Variants in ERC2 observed in about 807,000 individuals in gnomAD.
ERC2 encodes ELKS/RAB6-interacting/CAST family member 2.
A neutral mutation model predicts 114.8 loss-of-function variants in ERC2; 42 were observed. That is an observed-to-expected ratio of 0.37 (90% CI 0.29 to 0.47). The LOEUF (loss-of-function observed/expected upper bound fraction) is 0.47. ERC2 is among the 20% of genes least tolerant of loss of function. The pLI is 0.99. For missense variants in ERC2, 939 were observed against 1,150.7 expected (o/e 0.82, Z 2.66); for synonymous variants, 454 against 425.5 (o/e 1.07, Z -0.82).
At chr3:55,709,754 G>A (rs2063676385) in intron 15 of ERC2, among the ~76,000 whole-genome samples, 1 of 152,198 alleles carries the variant, frequency 6.6e-6, no homozygotes, top group African/African-American at 2.4e-5. Flanking sequence ...GAAGGGATGG[G>A]GTGAGCCATG....
At chr3:56,391,493 G>T (rs1415837515) in intron 2 of ERC2, among the ~76,000 whole-genome samples, 4 of 152,194 alleles carry the variant, frequency 2.6e-5, no homozygotes, top group Admixed American at 1.3e-4. Flanking sequence ...AAAGAGAAAT[G>T]GTTAAGGGGT....
At chr3:56,179,138 C>T (rs1240901058) in intron 3 of ERC2, among the ~76,000 whole-genome samples, 4 of 151,994 alleles carry the variant, frequency 2.6e-5, no homozygotes, top group South Asian at 2.1e-4. Context: ...CATTCAAAGC[C>T]GTCGTGGTGG....
At chr3:56,129,188 T>G (rs564999500) in intron 6 of ERC2, among the ~76,000 whole-genome samples, 1 of 152,296 alleles carries the variant, frequency 6.6e-6, no homozygotes, top group South Asian at 2.1e-4. Context: ...TTAAGAAAGA[T>G]AAAAGTTCGT....
chr3:56,179,999 G>A (rs1466273074), intron 3 of ERC2, among the ~76,000 whole-genome samples: 1 of 152,074 alleles, frequency 6.6e-6, no homozygotes, highest in African/African-American at 2.4e-5. Flanking sequence ...CCAAGAGTGA[G>A]GGGTCAGGAA....
intron 2 of ERC2, among the ~76,000 whole-genome samples, chr3:56,423,293 A>G (rs2061450631): frequency 1.3e-5 from 2 of 152,264 alleles, no homozygotes; most frequent in Admixed American, 1.3e-4. Context: ...AAATGAAGTT[A>G]TAGTAATCAT....
intron 17 of ERC2, among the ~76,000 whole-genome samples, chr3:55,513,409 CGT>C (rs1227290879): frequency 2.0e-5 from 3 of 152,254 alleles, no homozygotes; most frequent in East Asian, 1.9e-4. Flanking sequence ...CTCTCACAAG[CGT>C]GTCTCTCTAT....
At chr3:56,164,174 G>T (rs1301218826) in intron 4 of ERC2, among the ~76,000 whole-genome samples, 5 of 151,930 alleles carry the variant, frequency 3.3e-5, no homozygotes, top group Non-Finnish European at 7.4e-5. Context: ...TAATTTAGAG[G>T]TTTCTGCAAC....
chr3:56,103,304 C>T (rs2078460406), intron 6 of ERC2, among the ~76,000 whole-genome samples: 1 of 152,094 alleles, frequency 6.6e-6, no homozygotes, highest in South Asian at 2.1e-4. Flanking sequence ...TACAGATGAA[C>T]TGGGCCATGT....
chr3:55,668,085 C>G (rs2061423414), intron 17 of ERC2, among the ~76,000 whole-genome samples: 1 of 152,084 alleles, frequency 6.6e-6, no homozygotes. Context: ...ATATCTCTCT[C>G]ACTATATACA....
At chr3:55,727,300 C>T (rs1459023581) in intron 15 of ERC2, among the ~76,000 whole-genome samples, 1 of 152,162 alleles carries the variant, frequency 6.6e-6, no homozygotes, top group African/African-American at 2.4e-5. Context: ...TTGAGGCCCT[C>T]TCTCAAAACT....
chr3:55,537,324 T>C (rs558099362), intron 17 of ERC2, among the ~76,000 whole-genome samples: 9 of 152,336 alleles, frequency 5.9e-5, no homozygotes, highest in Non-Finnish European at 1.3e-4. Flanking sequence ...AAGACGATGG[T>C]TTCCCCCCCT....
chr3:56,229,230 C>A (rs2050449663), intron 3 of ERC2, among the ~76,000 whole-genome samples: 1 of 152,162 alleles, frequency 6.6e-6, no homozygotes, highest in Non-Finnish European at 1.5e-5. Context: ...AATAGGTATT[C>A]ATATGTTATT....
At chr3:55,926,985 T>C (rs1255631203) in intron 13 of ERC2, among the ~76,000 whole-genome samples, 1 of 152,204 alleles carries the variant, frequency 6.6e-6, no homozygotes, top group Non-Finnish European at 1.5e-5. Context: ...AGTTAGTTAC[T>C]AGCAATGCCA....
chr3:55,986,080 G>C, intron 11 of ERC2, 92 bp from the exon 12 acceptor site: 1 of 1,202,492 alleles, frequency 8.3e-7, no homozygotes, highest in Non-Finnish European at 1.2e-6. Context: ...AAATGCATTA[G>C]TTTTAAACAT....
intron 2 of ERC2, among the ~76,000 whole-genome samples, chr3:56,318,311 G>A (rs1423431386): frequency 6.6e-6 from 1 of 152,052 alleles, no homozygotes; most frequent in African/African-American, 2.4e-5. Context: ...AAGTGGCTGG[G>A]ACTACAGGCA....
At chr3:56,468,082 C>T (rs781562610) in intron 1 of ERC2, among the ~76,000 whole-genome samples, 166 bp downstream of exon 1, 5 of 142,338 alleles carry the variant, frequency 3.5e-5, no homozygotes, top group Non-Finnish European at 7.7e-5. Context: ...CCTCCCCCCG[C>T]CCAAGAAAGC....
At chr3:56,163,282 C>A (rs1026192235) in intron 4 of ERC2, among the ~76,000 whole-genome samples, 1 of 152,108 alleles carries the variant, frequency 6.6e-6, no homozygotes, top group East Asian at 1.9e-4. Context: ...ACCTTATGGC[C>A]GAGCATGTGG....
At chr3:55,569,261 G>A (rs908474463) in intron 17 of ERC2, among the ~76,000 whole-genome samples, 1 of 152,018 alleles carries the variant, frequency 6.6e-6, no homozygotes, top group Non-Finnish European at 1.5e-5. Context: ...CATGAAGACC[G>A]CATTTGGCGG....
intron 4 of ERC2, among the ~76,000 whole-genome samples, chr3:56,156,322 G>A (rs1015268376): frequency 7.9e-5 from 12 of 152,118 alleles, no homozygotes; most frequent in African/African-American, 2.9e-4. Flanking sequence ...TGACATGAGG[G>A]TAGTTTCATC....
Sources: allele counts gnomAD v4.1 joint callset (sites outside exome capture counted in the v4.1 genomes callset), GRCh38; gene constraint gnomAD v4.1.1; transcripts MANE v1.5; gene names NCBI Gene and HGNC (gene_info 2026-07-23, HGNC 2026-07-21).